EDARADD: variants seen among roughly 807,000 people sequenced by gnomAD.
EDARADD encodes the protein EDAR associated via death domain.
In EDARADD, 20 loss-of-function variants were observed where a neutral mutation model predicts 25.6. That is an observed-to-expected ratio of 0.78 (90% CI 0.55 to 1.14). The LOEUF (loss-of-function observed/expected upper bound fraction) is 1.14, where lower values mean the gene tolerates loss of function less well. EDARADD is among the 50% of genes most tolerant of loss of function. The pLI, the probability that EDARADD is intolerant of heterozygous loss-of-function variation, is 0.00. For synonymous variants in EDARADD, 86 were observed against 94.4 expected, an observed-to-expected ratio of 0.91 and a Z score of 0.52; for missense variants, 225 against 270.1, an observed-to-expected ratio of 0.83 and a Z score of 1.17.
At chr1:236,456,003 A>C (rs867424328) in intron 4 of EDARADD, among the ~76,000 whole-genome samples, 117 of 152,216 alleles carry the variant, frequency 7.7e-4, no homozygotes, top group African/African-American at 2.6e-3. Flanking sequence ...TTTAGCCAGG[A>C]TGGTCTCGAT....
intron 1 of EDARADD, among the ~76,000 whole-genome samples, chr1:236,404,646 C>G (rs1045830612): frequency 1.3e-5 from 2 of 152,140 alleles, no homozygotes; most frequent in Non-Finnish European, 1.5e-5. Flanking sequence ...AACAAAATCC[C>G]CCATACATTA....
intron 5 of EDARADD, among the ~76,000 whole-genome samples, chr1:236,475,606 T>C (rs970971998): frequency 9.3e-5 from 14 of 149,840 alleles, no homozygotes; most frequent in African/African-American, 3.4e-4. Flanking sequence ...CTACTATAAA[T>C]ACAAAAAATT....
chr1:236,482,878 A>G lies in EDARADD; in HGVS notation c.*229A>G, dbSNP rs1265085723. The G allele has an allele frequency of 1.5e-6, 1 of 656,080 alleles. No individual in the cohort carries two copies. Among genetic ancestry groups the G allele is most frequent in the Non-Finnish European group, 2.6e-6 (1 of 389,254 alleles). The allele number at this position is 656,080 out of a possible 1,614,324, so 40.6% of individuals were successfully genotyped here. A position where few individuals can be genotyped will look rare whatever the true frequency, so the allele number is the denominator to read the frequency against. On this transcript the variant is annotated 3_prime_UTR_variant, in exon 6 of 6. Coordinates refer to ENST00000334232, the MANE Select transcript of EDARADD (RefSeq NM_145861.4). ...TAATATTCAAATCTGGAATTAAGAA[A>G]ACATATTTTCTAGTATCCTCTAAGG...
At chr1:236,409,965 A>G (rs1315253680) in intron 2 of EDARADD, among the ~76,000 whole-genome samples, 4 of 152,112 alleles carry the variant, frequency 2.6e-5, no homozygotes, top group Admixed American at 2.6e-4. Context: ...GTTTAGTTCT[A>G]GCAGCTGCCT....
chr1:236,440,162 G>A (rs1658363210), intron 4 of EDARADD, among the ~76,000 whole-genome samples: 1 of 152,056 alleles, frequency 6.6e-6, no homozygotes, highest in African/African-American at 2.4e-5. Context: ...AAAATCAATA[G>A]ACTATATTTA....
Position 236,427,354 on chromosome 1 carries a change from A to ACTTT in EDARADD, c.161-37_161-34dup, listed in dbSNP as rs564120782. ...CGGAGTGTGTGCTTTTTAAAATCAC[A>ACTTT]CTTTGTTTCTTTCTTTCTTTCTTTT... is the stretch of plus-strand genomic sequence containing the variant. On this transcript the variant is annotated intron_variant, in intron 3 of 5. Transcript: ENST00000334232. 691 of 1,590,632 alleles carry ACTTT rather than the reference A, an allele frequency of 4.3e-4. No individual in the cohort carries two copies. In the East Asian group the frequency reaches 8.4e-3, roughly 19 times the overall value.
intron 3 of EDARADD, among the ~76,000 whole-genome samples, chr1:236,369,984 G>T (rs2102993322): frequency 6.6e-6 from 1 of 152,290 alleles, no homozygotes; most frequent in East Asian, 1.9e-4. Flanking sequence ...AGGTTGCAGG[G>T]ATCCACCATC....
chr1:236,453,132 T>G, intron 4 of EDARADD, among the ~76,000 whole-genome samples: 1 of 152,206 alleles, frequency 6.6e-6, no homozygotes, highest in Non-Finnish European at 1.5e-5. Flanking sequence ...AGTCCCTTCC[T>G]AGTGATAAGT....
chr1:236,408,578 T>C (rs1667778064), intron 1 of EDARADD, among the ~76,000 whole-genome samples: 1 of 152,000 alleles, frequency 6.6e-6, no homozygotes, highest in African/African-American at 2.4e-5. Flanking sequence ...CAACTAATAA[T>C]TGGAAGTAAG....
chr1:236,438,802 G>A (rs191941127), intron 4 of EDARADD, among the ~76,000 whole-genome samples: 17 of 151,958 alleles, frequency 1.1e-4, no homozygotes, highest in East Asian at 3.9e-4. Context: ...ATCCTGCATC[G>A]TAACGGTGCG....
At chr1:236,436,871 G>A (rs967281778) in intron 4 of EDARADD, among the ~76,000 whole-genome samples, 1 of 152,254 alleles carries the variant, frequency 6.6e-6, no homozygotes, top group East Asian at 1.9e-4. Flanking sequence ...CATACAGCAG[G>A]GAGGCAGAGA....
Position 236,409,211 on chromosome 1 carries a change from TA to T in EDARADD, c.62-4del, listed in dbSNP as rs746034923. 3.7e-6 allele frequency: 6 copies of T among 1,609,058 alleles called. No individual in the cohort carries two copies. The African/African-American group carries it at 8.0e-5, about 22-fold the overall frequency. ...TCTATTTGTTTGTTTTTGTTCTTTTTACAGATCATATGGTAAAGGAACCAGT... is the reference window on the plus strand; with the variant it reads ...TCTATTTGTTTGTTTTTGTTCTTTTTCAGATCATATGGTAAAGGAACCAGT... On this transcript the variant is annotated splice_region_variant and splice_polypyrimidine_tract_variant and intron_variant, in intron 1 of 5. Coordinates refer to ENST00000334232, the MANE Select transcript of EDARADD (RefSeq NM_145861.4).
At chr1:236,405,859 TTCC>T (rs1667714894) in intron 1 of EDARADD, among the ~76,000 whole-genome samples, 1 of 54,672 alleles carries the variant, frequency 1.8e-5, no homozygotes, top group African/African-American at 7.5e-5. Flanking sequence ...CCTTCCTTCC[TTCC>T]TTCCTTCCTT....
At chr1:236,470,596 T>A (rs533488764) in intron 5 of EDARADD, among the ~76,000 whole-genome samples, 1 of 152,004 alleles carries the variant, frequency 6.6e-6, no homozygotes, top group Non-Finnish European at 1.5e-5. Context: ...AGAGTGTGGG[T>A]TTTTTTGTTA....
chr1:236,404,607 A>G (rs1667674561), intron 1 of EDARADD, among the ~76,000 whole-genome samples: 1 of 152,204 alleles, frequency 6.6e-6, no homozygotes, highest in African/African-American at 2.4e-5. Context: ...TGGGCAATAT[A>G]GCGAGACCCC....
At position 236,484,587 on chromosome 1, in the gene EDARADD, AC is replaced by A. The variant is rs1365547509; in HGVS notation, c.*1941del. 23 of 732,476 alleles carry A rather than the reference AC, an allele frequency of 3.1e-5. No individual in the cohort carries two copies. Among genetic ancestry groups the A allele is most frequent in the African/African-American group, 1.7e-4 (10 of 57,324 alleles). 45.4% of individuals were successfully genotyped at this position (732,476 alleles called of 1,614,324 possible). A position where few individuals can be genotyped will look rare whatever the true frequency, so the allele number is the denominator to read the frequency against. Reference sequence around the variant, plus strand: ...TTGTAGGGGCCGCTGCTAGTTAGCTACCCTTGCCCACCGCCGTGGAGTTCGC... The same window carrying A: ...TTGTAGGGGCCGCTGCTAGTTAGCTACCTTGCCCACCGCCGTGGAGTTCGC... On this transcript the variant is annotated 3_prime_UTR_variant, in exon 6 of 6. Coordinates refer to ENST00000334232, the MANE Select transcript of EDARADD (RefSeq NM_145861.4). This position sits in a 1 kb window ranked among gnomAD's most constrained non-coding sequence, Gnocchi z 4.1.
chr1:236,382,624 G>A (rs1667314425), intron 3 of EDARADD, among the ~76,000 whole-genome samples: 2 of 152,154 alleles, frequency 1.3e-5, no homozygotes, highest in African/African-American at 2.4e-5. Context: ...AAGTTGGTTG[G>A]AAAGAATTTG....
At chr1:236,432,562 A>T (rs1448670667) in intron 4 of EDARADD, among the ~76,000 whole-genome samples, 1 of 152,200 alleles carries the variant, frequency 6.6e-6, no homozygotes, top group Non-Finnish European at 1.5e-5. Flanking sequence ...TGGATTACAA[A>T]ACAAGTTTTT....
chr1:236,433,383 A>G (rs1163074515), intron 4 of EDARADD, among the ~76,000 whole-genome samples: 1 of 151,844 alleles, frequency 6.6e-6, no homozygotes, highest in African/African-American at 2.4e-5. Context: ...ACATGGGGAA[A>G]CAGAAACCCT....
Sources: allele counts gnomAD v4.1 joint callset (sites outside exome capture counted in the v4.1 genomes callset), GRCh38; gene constraint gnomAD v4.1.1; non-coding constraint Gnocchi (gnomAD v3.1); transcripts MANE v1.5; gene names NCBI Gene and HGNC (gene_info 2026-07-23, HGNC 2026-07-21).